Variants in BAZ2B observed in about 807,000 individuals in gnomAD.
BAZ2B encodes the protein bromodomain adjacent to zinc finger domain 2B.
BAZ2B carries 91 observed loss-of-function variants against 246.0 expected under a neutral mutation model. That is an observed-to-expected ratio of 0.37 (90% CI 0.31 to 0.44). The LOEUF (loss-of-function observed/expected upper bound fraction) is 0.44, where lower values mean the gene tolerates loss of function less well. Ranked by LOEUF, BAZ2B falls within the 20% of genes least tolerant of loss-of-function variation. The pLI, the probability that BAZ2B is intolerant of heterozygous loss-of-function variation, is 1.00. For synonymous variants in BAZ2B, 855 were observed against 860.0 expected, an observed-to-expected ratio of 0.99 and a Z score of 0.10; for missense variants, 2,332 against 2,533.7, an observed-to-expected ratio of 0.92 and a Z score of 1.71.
Position 159,553,337 on chromosome 2 carries a change from G to A in BAZ2B, c.-3+2486C>T, listed in dbSNP as rs1210106852. Among the ~76,000 whole-genome samples, 12 of 136,810 alleles carry A rather than the reference G, an allele frequency of 8.8e-5. No homozygotes were observed. In the South Asian group the frequency reaches 2.4e-3, roughly 28 times the overall value. The allele number at this position is 136,810 out of a possible 152,430, so 89.8% of individuals were successfully genotyped here. On this transcript the variant is annotated intron_variant, in intron 2 of 36. Transcript: ENST00000392783. ...CTGAACCCAGGAGGCAGAGGCTGCA[G>A]TGAGCCAAGATTGCACCACTGCACT... is the stretch of plus-strand genomic sequence containing the variant.
intron 2 of BAZ2B, among the ~76,000 whole-genome samples, chr2:159,497,373 T>A (rs1007331011): frequency 1.3e-5 from 2 of 152,220 alleles, no homozygotes; most frequent in Admixed American, 1.3e-4. Flanking sequence ...CATTATGCTT[T>A]CCCTGTGCTT....
chr2:159,415,436 C>T (rs1206109664), intron 13 of BAZ2B, among the ~76,000 whole-genome samples: 6 of 82,662 alleles, frequency 7.3e-5, no homozygotes, highest in Admixed American at 1.5e-4. Context: ...CAGAACAAGA[C>T]TCCGTCTCAA....
intron 1 of BAZ2B, among the ~76,000 whole-genome samples, chr2:159,568,556 T>TA (rs35757082): frequency 6.7e-6 from 1 of 150,076 alleles, no homozygotes; most frequent in African/African-American, 2.4e-5. Flanking sequence ...ACTGAAAAGT[T>TA]AAAAAAAAAA....
At chr2:159,573,611 T>G (rs768189896) in intron 1 of BAZ2B, among the ~76,000 whole-genome samples, 3 of 152,188 alleles carry the variant, frequency 2.0e-5, no homozygotes, top group Non-Finnish European at 2.9e-5. Context: ...AGGCAATGTT[T>G]ACTTAGATAT....
chr2:159,393,189 G>A (rs2063556466), intron 20 of BAZ2B, among the ~76,000 whole-genome samples: 5 of 152,102 alleles, frequency 3.3e-5, no homozygotes, highest in Admixed American at 2.0e-4. Context: ...AGGTCAGTGG[G>A]AAAATGCCAT....
the BAZ2B span, among the ~76,000 whole-genome samples, chr2:159,683,742 G>C: frequency 1.6e-4 from 25 of 152,132 alleles, no homozygotes; most frequent in Non-Finnish European, 2.9e-4. Context: ...CTTGGTTCCT[G>C]GCTACATTAC....
chr2:159,559,171 G>A (rs2089558913), intron 1 of BAZ2B, among the ~76,000 whole-genome samples: 2 of 152,056 alleles, frequency 1.3e-5, no homozygotes, highest in African/African-American at 4.8e-5. Flanking sequence ...CTGAGCCCAA[G>A]GAGGTCAAGG....
At position 159,433,124 on chromosome 2, in the gene BAZ2B, G is replaced by C; in HGVS notation, c.1533C>G (p.Thr511=). ...TAATCTTGCTCTGCATTTTAGTTTT[G>C]GTAGTAAGTGCTAGAGGAGCTTCTT... The part of the protein sequence containing the change: ...VIQEAPLALT[T]KTKMQSKINE... The change falls in exon 9 of 37, where the codon ACC becomes ACG. Residue 511 remains threonine (T), a synonymous_variant. Transcript: ENST00000392783. The C allele has an allele frequency of 6.2e-7, 1 of 1,614,130 alleles. No homozygotes were observed. The highest frequency in any genetic ancestry group is 1.1e-5 in the South Asian group (1 of 91,084).
chr2:159,639,095 A>G, the BAZ2B span, among the ~76,000 whole-genome samples: 1 of 152,182 alleles, frequency 6.6e-6, no homozygotes, highest in African/African-American at 2.4e-5. Context: ...GTAGCATAAC[A>G]TATTTAAAGT....
rs2062550730 is a variant in BAZ2B, at chr2:159,320,253, A to T, written c.*12T>A. 1.3e-6 allele frequency: 2 copies of T among 1,525,080 alleles called. No homozygotes were observed. The highest frequency in any genetic ancestry group is 1.7e-6 in the Non-Finnish European group (2 of 1,148,696). The allele number at this position is 1,525,080 out of a possible 1,614,324, so 94.5% of individuals were successfully genotyped here. On this transcript the variant is annotated 3_prime_UTR_variant, in exon 37 of 37. Coordinates refer to ENST00000392783, the MANE Select transcript of BAZ2B (RefSeq NM_013450.4). ...TGTTTAGAAGGAAAAAAATAAAGAG[A>T]TTATTATAACTTCAGCTCACTTTGA...
upstream of BAZ2B, among the ~76,000 whole-genome samples, chr2:159,617,584 A>G (rs1214450271): frequency 6.6e-6 from 1 of 152,176 alleles, no homozygotes. Flanking sequence ...GATGAAGAGT[A>G]AGTAAAAATT....
chr2:159,625,332 C>T, the BAZ2B span, among the ~76,000 whole-genome samples: 1 of 152,106 alleles, frequency 6.6e-6, no homozygotes, highest in African/African-American at 2.4e-5. Context: ...GAGCACAACA[C>T]AAAGATACTC....
intron 36 of BAZ2B, among the ~76,000 whole-genome samples, chr2:159,324,579 A>G (rs1003062318): frequency 2.0e-5 from 3 of 149,734 alleles, no homozygotes; most frequent in Non-Finnish European, 3.0e-5. Flanking sequence ...AATTTCTTAA[A>G]TAATTTTAGT....
chr2:159,508,793 C>G (rs1250972798), intron 2 of BAZ2B, among the ~76,000 whole-genome samples: 1 of 152,122 alleles, frequency 6.6e-6, no homozygotes, highest in Non-Finnish European at 1.5e-5. Context: ...ATATTGTCAT[C>G]AGGATGACCC....
chr2:159,347,358 T>C (rs2068045751), intron 31 of BAZ2B, 128 bp downstream of exon 31: 1 of 1,113,790 alleles, frequency 9.0e-7, no homozygotes, highest in Non-Finnish European at 1.3e-6. Flanking sequence ...TAATCCAGGA[T>C]TGTTTTCAGA....
chr2:159,532,058 A>G (rs899966952), intron 2 of BAZ2B, among the ~76,000 whole-genome samples: 2 of 152,194 alleles, frequency 1.3e-5, no homozygotes, highest in African/African-American at 4.8e-5. Flanking sequence ...ACAGAAGTAC[A>G]TTGTATTTCC....
chr2:159,462,853 G>C, intron 3 of BAZ2B: 1 of 1,593,738 alleles, frequency 6.3e-7, no homozygotes, highest in Non-Finnish European at 8.6e-7. Flanking sequence ...TTGGAATAAT[G>C]GTCTTTCACA....
the BAZ2B span, among the ~76,000 whole-genome samples, chr2:159,663,606 G>C: frequency 2.0e-5 from 3 of 150,906 alleles, no homozygotes; most frequent in African/African-American, 4.9e-5. Flanking sequence ...TGCAACCTCT[G>C]CCTCCTGGGT....
At chr2:159,574,142 T>TACACACAC (rs70997110) in intron 1 of BAZ2B, among the ~76,000 whole-genome samples, 1 of 145,068 alleles carries the variant, frequency 6.9e-6, no homozygotes, top group African/African-American at 2.5e-5. Context: ...CACACACACA[T>TACACACAC]ACACACACAC....
Sources: gnomAD v4.1 joint callset for allele counts (sites outside exome capture counted in the v4.1 genomes callset) on GRCh38, gnomAD v4.1.1 for gene constraint, MANE v1.5 for transcripts, NCBI Gene and HGNC (gene_info 2026-07-23, HGNC 2026-07-21) for gene names.